The following JMJD1C variants were observed in gnomAD, a reference collection of about 807,000 sequenced individuals.
JMJD1C encodes jumonji domain-containing protein 1C.
A neutral mutation model predicts 245.3 loss-of-function variants in JMJD1C; 31 were observed. The observed-to-expected ratio is 0.13, with a 90% CI of 0.09 to 0.17. The LOEUF (loss-of-function observed/expected upper bound fraction) is 0.17. JMJD1C is among the 10% of genes least tolerant of loss of function. The pLI, the probability that JMJD1C is intolerant of heterozygous loss-of-function variation, is 1.00. For missense variants in JMJD1C, 2,691 were observed against 3,000.2 expected, an observed-to-expected ratio of 0.90 and a Z score of 2.41; for synonymous variants, 1,057 against 1,017.4, an observed-to-expected ratio of 1.04 and a Z score of -0.74.
chr10:63,461,381 A>T (rs1007353750), intron 1 of JMJD1C, among the ~76,000 whole-genome samples: 1 of 152,212 alleles, frequency 6.6e-6, no homozygotes, highest in Non-Finnish European at 1.5e-5. Flanking sequence ...ATGCAAGACA[A>T]TATAAATGTC....
At chr10:63,358,723 G>A (rs1945077094) in intron 2 of JMJD1C, 2 of 152,222 alleles carry the variant, frequency 1.3e-5, no homozygotes, top group South Asian at 4.1e-4. Context: ...GGGGTCCCCA[G>A]GTAAGTTTCA....
intron 2 of JMJD1C, among the ~76,000 whole-genome samples, chr10:63,309,897 A>G (rs923642402): frequency 6.6e-6 from 1 of 152,172 alleles, no homozygotes; most frequent in Admixed American, 6.5e-5. Flanking sequence ...AGCCTGGGCG[A>G]CAGAACAAGA....
intron 1 of JMJD1C, among the ~76,000 whole-genome samples, chr10:63,393,205 C>G (rs755791986): frequency 6.6e-6 from 1 of 151,986 alleles, no homozygotes; most frequent in Non-Finnish European, 1.5e-5. Context: ...GTTGATGAGG[C>G]TGAAGTGACC....
Position 63,177,757 on chromosome 10 carries a change from G to A in JMJD1C, c.7184C>T (p.Ala2395Val). ...CCTTATCTTGTCAACATCTTTCCCA[G>A]CATAAATATGCCACAGAGCACCAGG... Reference protein sequence around the residue: ...EIPGALWHIYAGKDVDKIREF... With the variant: ...EIPGALWHIYVGKDVDKIREF... Residue 2395 changes from alanine (A) to valine (V), a missense_variant, in exon 23 of 26, where the codon GCT becomes GTT. By Grantham distance (64) the Ala-to-Val change is moderately conservative (BLOSUM62 0). Around this residue, in one of 9 missense-constraint regions of JMJD1C, gnomAD observed 232 missense variants for 416.1 expected, o/e 0.56. Coordinates refer to ENST00000399262, the MANE Select transcript of JMJD1C (RefSeq NM_032776.3). The A allele has an allele frequency of 2.5e-6, 4 of 1,614,014 alleles. No homozygotes were observed. The highest frequency in any genetic ancestry group is 3.4e-6 in the Non-Finnish European group (4 of 1,179,922).
chr10:63,372,982 G>A, intron 2 of JMJD1C: 1 of 247,688 alleles, frequency 4.0e-6, no homozygotes, highest in Non-Finnish European at 1.0e-5. Context: ...TAGGGTCGAA[G>A]CCCCACTCCC....
chr10:63,176,153 T>C (rs2132804161), intron 24 of JMJD1C, 144 bp downstream of exon 24: 1 of 509,836 alleles, frequency 2.0e-6, no homozygotes, highest in South Asian at 4.1e-5. Context: ...AGCACTGAGA[T>C]GTCATTCTAA....
intron 2 of JMJD1C, among the ~76,000 whole-genome samples, chr10:63,351,786 C>T (rs764268384): frequency 3.8e-4 from 58 of 152,062 alleles, no homozygotes; most frequent in Non-Finnish European, 5.6e-4. Context: ...AGGTTAGCAC[C>T]GAGCAAATAC....
Position 63,167,267 on chromosome 10 carries a change from C to A in JMJD1C, c.*778G>T, listed in dbSNP as rs2132711506. ...TTAATGGAAAATGTAAAACCCCTTT[C>A]AACTTTAATGTACAAAGCCATATGT... is the stretch of plus-strand genomic sequence containing the variant. On this transcript the variant is annotated 3_prime_UTR_variant, in exon 26 of 26. Coordinates refer to ENST00000399262, the MANE Select transcript of JMJD1C (RefSeq NM_032776.3). The A allele has an allele frequency of 6.6e-6, 1 of 152,630 alleles. No individual in the cohort carries two copies. Among genetic ancestry groups the A allele is most frequent in the East Asian group, 1.9e-4 (1 of 5,188 alleles). 9.5% of individuals were successfully genotyped at this position (152,630 alleles called of 1,614,324 possible). A position where few individuals can be genotyped will look rare whatever the true frequency, so the allele number is the denominator to read the frequency against.
intron 1 of JMJD1C, among the ~76,000 whole-genome samples, chr10:63,392,867 A>AACACACACACACACACAC (rs34778084): frequency 1.4e-3 from 153 of 112,256 alleles, no homozygotes; most frequent in Non-Finnish European, 9.7e-4. Flanking sequence ...AAAGTACATA[A>AACACACACACACACACAC]ACACACACAC....
At chr10:63,283,367 CTT>C (rs34629226) in intron 2 of JMJD1C, among the ~76,000 whole-genome samples, 193 of 122,518 alleles carry the variant, frequency 1.6e-3, no homozygotes, top group East Asian at 2.6e-3. Context: ...CTTTCTGAGC[CTT>C]TTTTTTTTTT....
intron 2 of JMJD1C, among the ~76,000 whole-genome samples, chr10:63,349,167 T>C (rs1944122667): frequency 6.9e-6 from 1 of 144,562 alleles, no homozygotes; most frequent in Non-Finnish European, 1.5e-5. Flanking sequence ...TCCTTTGCCT[T>C]CCACTATAAA....
intron 2 of JMJD1C, among the ~76,000 whole-genome samples, chr10:63,282,873 C>T (rs1857563599): frequency 6.6e-6 from 1 of 152,156 alleles, no homozygotes; most frequent in African/African-American, 2.4e-5. Flanking sequence ...CGTGCCACCA[C>T]GCCTGACTAA....
intron 16 of JMJD1C, among the ~76,000 whole-genome samples, chr10:63,192,165 T>A (rs912596166): frequency 6.7e-6 from 1 of 148,396 alleles, no homozygotes; most frequent in Non-Finnish European, 1.5e-5. Context: ...ATGTCTGTAA[T>A]CCCAGTACTC....
intron 17 of JMJD1C, 69 bp from the exon 18 acceptor site, chr10:63,189,515 G>C (rs1589098323): frequency 7.4e-7 from 1 of 1,354,200 alleles, no homozygotes; most frequent in Admixed American, 2.4e-5. Flanking sequence ...TCCTCCCACA[G>C]ACTTATTTTT....
chr10:63,390,426 C>G (rs965463379), intron 1 of JMJD1C, among the ~76,000 whole-genome samples: 13 of 152,030 alleles, frequency 8.6e-5, no homozygotes, highest in Non-Finnish European at 1.6e-4. Context: ...TCAGATGGCC[C>G]CACTGCAGAA....
At chr10:63,224,005 G>A (rs551095779) in intron 3 of JMJD1C, among the ~76,000 whole-genome samples, 7 of 152,022 alleles carry the variant, frequency 4.6e-5, no homozygotes, top group South Asian at 4.2e-4. Context: ...GCCTGCGTCC[G>A]CCTCCCAATG....
At chr10:63,193,608 T>G in intron 14 of JMJD1C, 136 bp from the exon 15 acceptor site, 2 of 557,778 alleles carry the variant, frequency 3.6e-6, no homozygotes, top group Non-Finnish European at 6.1e-6. Context: ...CTTCCATTTT[T>G]CTCCATTCTC....
At chr10:63,252,908 C>T (rs1427240645) in intron 3 of JMJD1C, among the ~76,000 whole-genome samples, 2 of 152,226 alleles carry the variant, frequency 1.3e-5, no homozygotes, top group African/African-American at 2.4e-5. Flanking sequence ...GACTGGCACA[C>T]AGCAATAAAT....
intron 1 of JMJD1C, among the ~76,000 whole-genome samples, chr10:63,383,721 A>G (rs958437131): frequency 1.3e-5 from 2 of 152,064 alleles, no homozygotes; most frequent in Non-Finnish European, 2.9e-5. Context: ...ATCAAAAACA[A>G]TGTACACACT....
Sources: gnomAD v4.1 joint callset for allele counts (sites outside exome capture counted in the v4.1 genomes callset) on GRCh38, gnomAD v4.1.1 for gene constraint, gnomAD v4.1.1 regional missense constraint, MANE v1.5 for transcripts, NCBI Gene and HGNC (gene_info 2026-07-23, HGNC 2026-07-21) for gene names.